The following LEO1 variants were observed in gnomAD, a reference collection of about 807,000 sequenced individuals.
The protein encoded by LEO1 is RNA polymerase-associated protein LEO1.
In LEO1, 34 loss-of-function variants were observed where a neutral mutation model predicts 80.4. The ratio of observed to expected loss-of-function variants is 0.42; its 90% CI spans 0.32 to 0.56. LEO1 has a LOEUF of 0.56. Among genes scored for constraint, LEO1 ranks in the 20% least tolerant of loss-of-function variants. The pLI is 0.10. For synonymous variants in LEO1, 262 were observed against 274.9 expected, an observed-to-expected ratio of 0.95 and a Z score of 0.46; for missense variants, 631 against 814.2, an observed-to-expected ratio of 0.77 and a Z score of 2.74.
intron 11 of LEO1, among the ~76,000 whole-genome samples, chr15:51,940,392 C>T (rs1244006773): frequency 1.3e-5 from 2 of 150,760 alleles, no homozygotes; most frequent in Non-Finnish European, 1.5e-5. Flanking sequence ...AACCCCATCT[C>T]TACTAAAACT....
At chr15:51,955,770 T>G (rs1182407472) in intron 6 of LEO1, among the ~76,000 whole-genome samples, 1 of 152,192 alleles carries the variant, frequency 6.6e-6, no homozygotes, top group Non-Finnish European at 1.5e-5. Context: ...TAGCTGCAAA[T>G]GTCTGTGCAG....
At chr15:51,941,572 C>T (rs1023369214) in intron 11 of LEO1, among the ~76,000 whole-genome samples, 2 of 152,154 alleles carry the variant, frequency 1.3e-5, no homozygotes, top group African/African-American at 2.4e-5. Flanking sequence ...TTTCTTTCAG[C>T]TTGGGTCTTT....
rs767042967 is a variant in LEO1, at chr15:51,962,446, G to A, written c.862C>T (p.Arg288Cys). 2.9e-5 allele frequency: 47 copies of A among 1,613,688 alleles called. No individual in the cohort carries two copies. The highest frequency in any genetic ancestry group is 4.5e-5 in the East Asian group (2 of 44,876). The change falls in exon 3 of 12, where the codon CGC becomes TGC. Residue 288 changes from arginine (R) to cysteine (C), a missense_variant. This residue lies in a region of LEO1 where 394 missense variants were observed against 395.6 expected (regional missense o/e 1.00). Coordinates refer to ENST00000299601, the MANE Select transcript of LEO1 (RefSeq NM_138792.4). ...GAATCAGATGCAATCGCATTCTTGC[G>A]TTTCATTCGTAAAACTTCATCTTCA... ...DSEDEVLRMKRKNAIASDSEA... is the reference protein window; with the variant it reads ...DSEDEVLRMKCKNAIASDSEA...
rs2141754663 is a variant in LEO1, at chr15:51,949,829, G to A, written c.1777C>T (p.Arg593Ter). ...TCACCTCGAATGCCCCCTTTATATCGGTTTTTAATGGCAGCCAAGCTGATG... is the reference window on the plus strand; with the variant it reads ...TCACCTCGAATGCCCCCTTTATATCAGTTTTTAATGGCAGCCAAGCTGATG... Reference protein sequence around the residue: ...ESISLAAIKNRYKGGIREERA... With the variant: ...ESISLAAIKN Residue 593 changes from arginine to a stop codon, truncating the protein, a stop_gained, in exon 10 of 12, where the codon CGA becomes TGA. Coordinates refer to ENST00000299601, the MANE Select transcript of LEO1 (RefSeq NM_138792.4). LOFTEE classifies it high-confidence loss of function. The A allele has an allele frequency of 1.9e-6, 3 of 1,613,488 alleles. No individual in the cohort carries two copies. Among genetic ancestry groups the A allele is most frequent in the Middle Eastern group, 1.7e-4 (1 of 5,738 alleles).
At chr15:51,968,785 C>T (rs1357813443) in intron 1 of LEO1, among the ~76,000 whole-genome samples, 4 of 151,388 alleles carry the variant, frequency 2.6e-5, no homozygotes, top group Non-Finnish European at 4.4e-5. Flanking sequence ...GCCGAGATTG[C>T]GCCACTGCAC....
intron 9 of LEO1, 107 bp from the exon 10 acceptor site, chr15:51,950,101 C>T: frequency 1.0e-6 from 1 of 996,906 alleles, no homozygotes; most frequent in Non-Finnish European, 1.4e-6. Flanking sequence ...CAGATAACAG[C>T]TGTGCCGTGT....
chr15:51,942,266 G>A (rs947880435), intron 11 of LEO1, among the ~76,000 whole-genome samples: 2 of 152,188 alleles, frequency 1.3e-5, no homozygotes, highest in Non-Finnish European at 2.9e-5. Context: ...AAAGGGAAGA[G>A]TGCAGGAAGA....
At chr15:51,953,796 T>G (rs189761979) in intron 7 of LEO1, among the ~76,000 whole-genome samples, 4 of 151,982 alleles carry the variant, frequency 2.6e-5, no homozygotes, top group African/African-American at 9.6e-5. Context: ...AAGGGCAATT[T>G]TTTTAAAATG....
chr15:51,960,622 G>A lies in LEO1; in HGVS notation c.1014+17C>T, dbSNP rs570324886. 1.2e-4 allele frequency: 168 copies of A among 1,421,564 alleles called. 1 individual carries two copies. The South Asian group carries it at 1.8e-3, about 15-fold the overall frequency. 88.1% of individuals were successfully genotyped at this position (1,421,564 alleles called of 1,614,324 possible). A position where few individuals can be genotyped will look rare whatever the true frequency, so the allele number is the denominator to read the frequency against. ...TATGCCTGGCCTTGAATAAGTTCAT[G>A]TTACTAACTGACTTACAACAGGCTG... is the stretch of plus-strand genomic sequence containing the variant. On this transcript the variant is annotated intron_variant, in intron 4 of 11. Transcript: ENST00000299601.
At chr15:51,952,482 T>C (rs2056957261) in intron 8 of LEO1, among the ~76,000 whole-genome samples, 2 of 152,176 alleles carry the variant, frequency 1.3e-5, no homozygotes, top group African/African-American at 4.8e-5. Flanking sequence ...TTAACCTTTA[T>C]AATTTCAAAA....
intron 11 of LEO1, among the ~76,000 whole-genome samples, chr15:51,944,963 C>T (rs903967897): frequency 3.3e-5 from 5 of 152,148 alleles, no homozygotes; most frequent in African/African-American, 1.2e-4. Flanking sequence ...CTCTGCTATG[C>T]TACCTTGATC....
intron 7 of LEO1, among the ~76,000 whole-genome samples, chr15:51,953,515 G>A (rs545816461): frequency 7.2e-5 from 11 of 152,206 alleles, no homozygotes; most frequent in Admixed American, 4.6e-4. Flanking sequence ...CAGCCTTCGG[G>A]AGGCTGAGAC....
At chr15:51,946,834 A>G (rs924241409) in intron 11 of LEO1, among the ~76,000 whole-genome samples, 9 of 152,134 alleles carry the variant, frequency 5.9e-5, no homozygotes, top group Admixed American at 2.0e-4. Flanking sequence ...GAGCCACTGC[A>G]TCCAACCAAG....
intron 11 of LEO1, chr15:51,946,993 T>C: frequency 3.0e-6 from 1 of 329,160 alleles, no homozygotes; most frequent in Non-Finnish European, 5.5e-6. Flanking sequence ...CTTCCAGGCC[T>C]TTCCATCTAT....
chr15:51,954,437 C>G lies in LEO1; in HGVS notation c.1340+44G>C, dbSNP rs750494855. 3.1e-5 allele frequency: 36 copies of G among 1,172,978 alleles called. No individual in the cohort carries two copies. In the South Asian group the frequency reaches 4.5e-4, roughly 15 times the overall value. The allele number at this position is 1,172,978 out of a possible 1,614,324, so 72.7% of individuals were successfully genotyped here. On this transcript the variant is annotated intron_variant, in intron 7 of 11. Transcript: ENST00000299601. ...GTATTTCAAAACTTGATCCCTCTGACCCGTTCTGGGTATGTCAATACCCTT... is the reference window on the plus strand; with the variant it reads ...GTATTTCAAAACTTGATCCCTCTGAGCCGTTCTGGGTATGTCAATACCCTT...
rs1410895621 is a variant in LEO1, at chr15:51,966,339, C to A, written c.224G>T (p.Ser75Ile). Residue 75 changes from serine to isoleucine, a missense_variant, in exon 2 of 12, where the codon AGT (serine) becomes ATT (isoleucine). Coordinates refer to ENST00000299601, the MANE Select transcript of LEO1 (RefSeq NM_138792.4). ...DSEDEGASHH[S>I]GSDNHSERSD... ...TCTTTCAGAGTGATTATCACTACCA[C>A]TATGATGTGAAGCTCCCTCGTCCTC... The A allele has an allele frequency of 6.2e-7, 1 of 1,614,048 alleles. No individual in the cohort carries two copies. The highest frequency in any genetic ancestry group is 1.3e-5 in the African/African-American group (1 of 74,942).
chr15:51,971,748 T>A lies in LEO1; in HGVS notation c.-3A>T. On this transcript the variant is annotated 5_prime_UTR_variant, in exon 1 of 12. Transcript: ENST00000299601. ...AAGAGATCCTCCATATCCGCCATTATCGCTCACGTCCGCTGCTGCCTCGGT... is the reference window on the plus strand; with the variant it reads ...AAGAGATCCTCCATATCCGCCATTAACGCTCACGTCCGCTGCTGCCTCGGT... The A allele has an allele frequency of 6.2e-7, 1 of 1,614,190 alleles. No individual in the cohort carries two copies. The highest frequency in any genetic ancestry group is 1.1e-5 in the South Asian group (1 of 91,090).
chr15:51,948,788 T>C (rs1595934462), intron 10 of LEO1, among the ~76,000 whole-genome samples: 1 of 152,086 alleles, frequency 6.6e-6, no homozygotes, highest in Admixed American at 6.6e-5. Flanking sequence ...GCGGGCAGGG[T>C]CAGAAGGCCA....
intron 1 of LEO1, 69 bp downstream of exon 1, chr15:51,971,619 C>G: frequency 6.6e-7 from 1 of 1,526,494 alleles, no homozygotes; most frequent in Middle Eastern, 1.7e-4. Context: ...GCTGGAGCCT[C>G]CACGGTTGTC....
Sources: allele counts gnomAD v4.1 joint callset (sites outside exome capture counted in the v4.1 genomes callset), GRCh38; gene constraint gnomAD v4.1.1; regional missense constraint gnomAD v4.1.1; transcripts MANE v1.5; gene names NCBI Gene and HGNC (gene_info 2026-07-23, HGNC 2026-07-21).